The following PCDHA2 variants were observed in gnomAD, a reference collection of about 807,000 sequenced individuals.
PCDHA2 encodes the protein protocadherin alpha 2, also known as protocadherin alpha-2.
Under a neutral mutation model 66.0 loss-of-function variants are expected in PCDHA2, and 58 were observed. The ratio of observed to expected loss-of-function variants is 0.88; its 90% CI spans 0.71 to 1.09. PCDHA2 has a LOEUF of 1.09. Among genes scored for constraint, PCDHA2 ranks in the 50% least tolerant of loss-of-function variants. The pLI, the probability that PCDHA2 is intolerant of heterozygous loss-of-function variation, is 0.00. For synonymous variants in PCDHA2, 634 were observed against 554.0 expected, an observed-to-expected ratio of 1.14 and a Z score of -2.03; for missense variants, 1,267 against 1,242.3, an observed-to-expected ratio of 1.02 and a Z score of -0.30.
chr5:140,808,774 G>A (rs1554124777), intron 1 of PCDHA2: 2 of 1,612,462 alleles, frequency 1.2e-6, no homozygotes, highest in South Asian at 1.1e-5. Flanking sequence ...AGGAGCTAGA[G>A]CTGCTGCAGT....
In PCDHA2 at chr5:140,804,351, A is replaced by T. The variant is rs1477716467; in HGVS notation, c.2388+6999A>T. 3.3e-5 allele frequency: 5 copies of T among 152,160 alleles called. No homozygotes were observed. The East Asian group carries it at 9.6e-4, about 29-fold the overall frequency. 9.4% of individuals were successfully genotyped at this position (152,160 alleles called of 1,614,324 possible). ...TAATACTACTGTATTATATGTTAAA[A>T]TTTATTACTAATAACTAAAATATCA... is the stretch of plus-strand genomic sequence containing the variant. On this transcript the variant is annotated intron_variant, in intron 1 of 3. Transcript: ENST00000526136.
rs782786984 is a variant in PCDHA2, at chr5:140,795,324, A to C, written c.360A>C (p.Glu120Asp). ...VDRPLQVFHV[E>D]VEVKDINDNP... ...GGCCGCTGCAGGTTTTCCATGTGGA[A>C]GTGGAGGTGAAGGACATTAACGACA... The change falls in exon 1 of 4, where the codon GAA becomes GAC. Residue 120 changes from glutamate (E) to aspartate (D), a missense_variant. By Grantham distance (45) the Glu-to-Asp change is conservative (BLOSUM62 2). Transcript: ENST00000526136. 21 of 1,614,104 alleles carry C rather than the reference A, an allele frequency of 1.3e-5. No individual in the cohort carries two copies. Among genetic ancestry groups the C allele is most frequent in the East Asian group, 8.9e-5 (4 of 44,898 alleles).
At chr5:140,869,532 G>A (rs917843661) in intron 1 of PCDHA2, 3 of 1,614,130 alleles carry the variant, frequency 1.9e-6, no homozygotes, top group Non-Finnish European at 1.7e-6. Flanking sequence ...TGCTGATTGC[G>A]GAATCTAAGC....
At chr5:140,843,511 C>A (rs2150361432) in intron 1 of PCDHA2, 3 of 1,595,670 alleles carry the variant, frequency 1.9e-6, no homozygotes, top group East Asian at 2.2e-5. Context: ...CCACTGAGGG[C>A]GGGTGCCGGG....
chr5:140,858,413 A>G lies in PCDHA2; in HGVS notation c.2388+61061A>G, dbSNP rs150984635. 3.9e-4 allele frequency: 609 copies of G among 1,562,348 alleles called. 39 individuals are homozygous for G. The African/African-American group carries it at 7.5e-3, about 19-fold the overall frequency. On this transcript the variant is annotated intron_variant, in intron 1 of 3. Transcript: ENST00000526136. Reference sequence around the variant, plus strand: ...AGATGTGGACGGGGAAGATCAGTCTATTGGAGGGGACCACTCTAGGAAGGT... The same window carrying G: ...AGATGTGGACGGGGAAGATCAGTCTGTTGGAGGGGACCACTCTAGGAAGGT...
chr5:140,843,113 G>A (rs1234618172), intron 1 of PCDHA2: 1 of 1,595,750 alleles, frequency 6.3e-7, no homozygotes, highest in Admixed American at 1.7e-5. Context: ...GCGCGCAGTG[G>A]ACGCCGACTC....
chr5:140,827,936 C>G, intron 1 of PCDHA2: 1 of 1,115,138 alleles, frequency 9.0e-7, no homozygotes, highest in Non-Finnish European at 1.3e-6. Context: ...GAAGTTATAG[C>G]TAGCCAACAT....
intron 1 of PCDHA2, chr5:140,851,477 T>A: frequency 1.1e-6 from 1 of 890,896 alleles, no homozygotes; most frequent in Non-Finnish European, 1.4e-6. Flanking sequence ...ATAAATGTTA[T>A]AAACACAGCC....
chr5:140,876,961 C>G (rs782051302), intron 1 of PCDHA2: 16 of 1,613,036 alleles, frequency 9.9e-6, no homozygotes, highest in South Asian at 8.8e-5. Context: ...GCTGGTGGAG[C>G]GGCGGGTGGG....
At chr5:141,005,371 T>G (rs35698397) in intron 3 of PCDHA2, among the ~76,000 whole-genome samples, 7,868 of 152,226 alleles carry the variant, frequency 0.052, 247 homozygotes, top group South Asian at 0.11. Flanking sequence ...TAGAATGCCT[T>G]TCCAAGGAGG....
intron 1 of PCDHA2, chr5:140,877,919 T>A: frequency 7.0e-7 from 1 of 1,423,998 alleles, no homozygotes; most frequent in South Asian, 1.6e-5. Flanking sequence ...CTCTCATTTT[T>A]CTTTATGATT....
chr5:140,839,534 C>T (rs1554137499), intron 1 of PCDHA2, among the ~76,000 whole-genome samples: 2 of 151,968 alleles, frequency 1.3e-5, no homozygotes, highest in Non-Finnish European at 2.9e-5. Flanking sequence ...GGACTATAGG[C>T]ACACACCACC....
chr5:140,927,440 C>G (rs782460713), intron 1 of PCDHA2: 2 of 1,614,168 alleles, frequency 1.2e-6, no homozygotes, highest in East Asian at 4.5e-5. Flanking sequence ...AGCGAATACC[C>G]GGAGTTGGTG....
chr5:140,941,447 C>T (rs1180553779), intron 1 of PCDHA2, among the ~76,000 whole-genome samples: 1 of 150,780 alleles, frequency 6.6e-6, no homozygotes, highest in South Asian at 2.1e-4. Flanking sequence ...TCGGGAGTAG[C>T]TGGGATTACA....
chr5:140,944,419 T>C (rs2093656334), intron 1 of PCDHA2, among the ~76,000 whole-genome samples: 2 of 152,184 alleles, frequency 1.3e-5, no homozygotes, highest in South Asian at 4.1e-4. Flanking sequence ...ACTCCTGATC[T>C]GAAGTGGTCT....
At chr5:140,882,062 T>G (rs78484684) in intron 1 of PCDHA2, 9 of 812,456 alleles carry the variant, frequency 1.1e-5, no homozygotes, top group Non-Finnish European at 1.5e-5. Flanking sequence ...CACTTACACG[T>G]TCATGCGCAT....
intron 1 of PCDHA2, chr5:140,816,178 C>A (rs1368822444): frequency 6.6e-6 from 1 of 152,104 alleles, no homozygotes; most frequent in African/African-American, 2.4e-5. Flanking sequence ...ATTTCTTAGG[C>A]TTTCTTTACT....
chr5:140,874,685 T>C (rs1212570606), intron 1 of PCDHA2, among the ~76,000 whole-genome samples: 1 of 152,234 alleles, frequency 6.6e-6, no homozygotes, highest in Non-Finnish European at 1.5e-5. Flanking sequence ...AGATTTGTTT[T>C]AACATGTTAT....
chr5:140,975,149 T>A (rs990599895), intron 1 of PCDHA2, among the ~76,000 whole-genome samples: 1 of 152,202 alleles, frequency 6.6e-6, no homozygotes, highest in Non-Finnish European at 1.5e-5. Flanking sequence ...CACTCTCAGT[T>A]CCTAGAGAAC....
Sources: gnomAD v4.1 joint callset for allele counts (sites outside exome capture counted in the v4.1 genomes callset) on GRCh38, gnomAD v4.1.1 for gene constraint, MANE v1.5 for transcripts, NCBI Gene and HGNC (gene_info 2026-07-23, HGNC 2026-07-21) for gene names.